Variants in ARHGAP42 observed in about 807,000 individuals in gnomAD.
ARHGAP42 encodes rho GTPase-activating protein 42.
Under a neutral mutation model 125.0 loss-of-function variants are expected in ARHGAP42, and 63 were observed. That is an observed-to-expected ratio of 0.50 (90% CI 0.41 to 0.62). The LOEUF (loss-of-function observed/expected upper bound fraction) is 0.62, where lower values mean the gene tolerates loss of function less well. Among genes scored for constraint, ARHGAP42 ranks in the 20% least tolerant of loss-of-function variants. The pLI is 0.00. For synonymous variants in ARHGAP42, 339 were observed against 351.0 expected, an observed-to-expected ratio of 0.97 and a Z score of 0.38; for missense variants, 766 against 1,024.2, an observed-to-expected ratio of 0.75 and a Z score of 3.44.
At chr11:100,868,195 G>A (rs920198822) in intron 4 of ARHGAP42, among the ~76,000 whole-genome samples, 8 of 152,084 alleles carry the variant, frequency 5.3e-5, no homozygotes, top group African/African-American at 1.9e-4. Flanking sequence ...TTCCAGACAC[G>A]TGGGTGCCTC....
intron 3 of ARHGAP42, among the ~76,000 whole-genome samples, chr11:100,819,563 G>C (rs903686457): frequency 6.6e-6 from 1 of 152,098 alleles, no homozygotes; most frequent in African/African-American, 2.4e-5. Context: ...CACAGAATAT[G>C]AAATTTGTGC....
chr11:100,961,748 T>C lies in ARHGAP42; in HGVS notation c.1365T>C (p.Ser455=), dbSNP rs1260412159. 1.3e-6 allele frequency: 2 copies of C among 1,551,710 alleles called. No homozygotes were observed. Among genetic ancestry groups the C allele is most frequent in the African/African-American group, 1.4e-5 (1 of 73,158 alleles). The change falls in exon 15 of 24, where the codon AGT becomes AGC. Residue 455 remains serine, a synonymous_variant. Coordinates refer to ENST00000298815, the MANE Select transcript of ARHGAP42 (RefSeq NM_152432.4). ...IELWDNKTIT[S]GLKNYLRCLA... ...TGTGGGACAATAAGACGATAACAAG[T>C]GGGCTGAAAAACTACCTCAGGTGAG... is the stretch of plus-strand genomic sequence containing the variant.
At chr11:100,966,572 T>C (rs1473579351) in intron 17 of ARHGAP42, among the ~76,000 whole-genome samples, 4 of 152,158 alleles carry the variant, frequency 2.6e-5, no homozygotes, top group African/African-American at 9.7e-5. Flanking sequence ...TGGAGGGTAA[T>C]CTACTCTACT....
chr11:100,697,398 G>C (rs966061504), intron 1 of ARHGAP42, among the ~76,000 whole-genome samples: 1 of 152,064 alleles, frequency 6.6e-6, no homozygotes, highest in African/African-American at 2.4e-5. Flanking sequence ...TAGCCAGGAT[G>C]GTCTCCATCT....
chr11:100,709,021 T>A (rs189852449), intron 1 of ARHGAP42, among the ~76,000 whole-genome samples: 5 of 152,132 alleles, frequency 3.3e-5, no homozygotes, highest in Non-Finnish European at 7.4e-5. Flanking sequence ...TTGTGATCTG[T>A]CAATCTGCTA....
chr11:100,943,475 A>G (rs1046054020), intron 9 of ARHGAP42, among the ~76,000 whole-genome samples: 5 of 152,112 alleles, frequency 3.3e-5, no homozygotes, highest in South Asian at 2.1e-4. Context: ...GGGATTGTAC[A>G]TTATAGTATA....
chr11:100,876,150 T>C (rs1178641846), intron 4 of ARHGAP42, among the ~76,000 whole-genome samples: 1 of 152,230 alleles, frequency 6.6e-6, no homozygotes, highest in Non-Finnish European at 1.5e-5. Context: ...GCTTCCTATG[T>C]TGGAAAACCA....
At chr11:100,960,226 TC>T (rs1857918135) in intron 13 of ARHGAP42, among the ~76,000 whole-genome samples, 1 of 111,346 alleles carries the variant, frequency 9.0e-6, no homozygotes. Flanking sequence ...TGCAAGCACC[TC>T]TTTGATTTTT....
chr11:100,882,512 T>C (rs1202490056), intron 4 of ARHGAP42, among the ~76,000 whole-genome samples: 1 of 152,062 alleles, frequency 6.6e-6, no homozygotes, highest in Non-Finnish European at 1.5e-5. Flanking sequence ...TTTTTTTTTT[T>C]TAACAATTTT....
intron 3 of ARHGAP42, among the ~76,000 whole-genome samples, chr11:100,820,653 A>G (rs550183401): frequency 3.9e-5 from 6 of 152,282 alleles, no homozygotes; most frequent in South Asian, 2.1e-4. Flanking sequence ...TCCATGCTCT[A>G]TAATAGTATA....
chr11:100,805,368 T>C (rs1422365012), intron 3 of ARHGAP42, among the ~76,000 whole-genome samples: 1 of 152,224 alleles, frequency 6.6e-6, no homozygotes, highest in East Asian at 1.9e-4. Flanking sequence ...TTAGATGTAT[T>C]ACTTCAATAT....
intron 1 of ARHGAP42, among the ~76,000 whole-genome samples, chr11:100,730,216 A>G (rs1861933059): frequency 6.6e-6 from 1 of 152,046 alleles, no homozygotes; most frequent in Admixed American, 6.6e-5. Flanking sequence ...CCTCAAGGAC[A>G]TCATGATTTT....
At chr11:100,863,536 T>C (rs1441895510) in intron 4 of ARHGAP42, among the ~76,000 whole-genome samples, 2 of 152,198 alleles carry the variant, frequency 1.3e-5, no homozygotes, top group Non-Finnish European at 2.9e-5. Flanking sequence ...GATACTTTGC[T>C]GTGAAAGTGA....
chr11:100,828,057 A>C (rs1864567609), intron 3 of ARHGAP42, among the ~76,000 whole-genome samples: 1 of 152,200 alleles, frequency 6.6e-6, no homozygotes. Flanking sequence ...ATCACTGAGC[A>C]GGTGAAAAAT....
rs147580741 is a variant in ARHGAP42 at position 100,753,047 on chromosome 11, T to C, written c.155-17296T>C. Among the ~76,000 whole-genome samples the C allele has an allele frequency of 3.3e-5, 5 of 152,278 alleles. No individual in the cohort carries two copies. The East Asian group carries it at 9.7e-4, about 29-fold the overall frequency. Reference sequence around the variant, plus strand: ...GGGGCCGTAGGGCTCCCAGAAGTTCTGTCCCTTGTGTTAAGTTACCAGGGC... The same window carrying C: ...GGGGCCGTAGGGCTCCCAGAAGTTCCGTCCCTTGTGTTAAGTTACCAGGGC... On this transcript the variant is annotated intron_variant, in intron 1 of 23. Coordinates refer to ENST00000298815, the MANE Select transcript of ARHGAP42 (RefSeq NM_152432.4).
At chr11:100,941,752 A>C in intron 8 of ARHGAP42, 32 bp from the exon 9 acceptor site, 1 of 1,374,102 alleles carries the variant, frequency 7.3e-7, no homozygotes, top group Non-Finnish European at 9.8e-7. Flanking sequence ...TTTATTAACA[A>C]AATCTGAAAT....
chr11:100,717,097 A>C lies in ARHGAP42; in HGVS notation c.154+29265A>C, dbSNP rs1489803219. 2.0e-5 allele frequency among the ~76,000 whole-genome samples: 3 copies of C among 152,206 alleles called. No individual in the cohort carries two copies. The East Asian group carries it at 5.8e-4, about 29-fold the overall frequency. Reference sequence around the variant, plus strand: ...ATAAATTCAAAAAAGGAAACCACGGAGAAGCAGTCTTGGTTTTGTTTCATG... The same window carrying C: ...ATAAATTCAAAAAAGGAAACCACGGCGAAGCAGTCTTGGTTTTGTTTCATG... On this transcript the variant is annotated intron_variant, in intron 1 of 23. Coordinates refer to ENST00000298815, the MANE Select transcript of ARHGAP42 (RefSeq NM_152432.4).
At chr11:100,728,717 T>TAG (rs1861905180) in intron 1 of ARHGAP42, among the ~76,000 whole-genome samples, 1 of 5,776 alleles carries the variant, frequency 1.7e-4, no homozygotes, top group East Asian at 1.9e-3. Flanking sequence ...ACTTTGCGTA[T>TAG]ATATATATAT....
At chr11:100,930,766 G>A (rs987535699) in intron 6 of ARHGAP42, among the ~76,000 whole-genome samples, 1 of 152,180 alleles carries the variant, frequency 6.6e-6, no homozygotes, top group East Asian at 1.9e-4. Flanking sequence ...AAATACGTCC[G>A]TAAGAGTTTT....
Sources: gnomAD v4.1 joint callset for allele counts (sites outside exome capture counted in the v4.1 genomes callset) on GRCh38, gnomAD v4.1.1 for gene constraint, MANE v1.5 for transcripts, NCBI Gene and HGNC (gene_info 2026-07-23, HGNC 2026-07-21) for gene names.